TBC1D8: variants seen among roughly 807,000 people sequenced by gnomAD.
TBC1D8 encodes TBC1 domain family member 8.
TBC1D8 carries 65 observed loss-of-function variants against 118.8 expected under a neutral mutation model. The ratio of observed to expected loss-of-function variants is 0.55; its 90% CI spans 0.45 to 0.67. The LOEUF (loss-of-function observed/expected upper bound fraction) is 0.67, where lower values mean the gene tolerates loss of function less well. TBC1D8 is among the 30% of genes least tolerant of loss of function. TBC1D8 has a pLI of 0.00. For missense variants in TBC1D8, 1,376 were observed against 1,471.2 expected (o/e 0.94, Z 1.06); for synonymous variants, 566 against 595.8 (o/e 0.95, Z 0.73).
At chr2:101,024,742 C>A (rs529482856) in intron 15 of TBC1D8, among the ~76,000 whole-genome samples, 4 of 152,076 alleles carry the variant, frequency 2.6e-5, no homozygotes, top group Non-Finnish European at 5.9e-5. Context: ...AAAGCTTTAG[C>A]AGTATTGACT....
At chr2:101,009,821 C>CATTTTTTTT (rs144990163) in intron 19 of TBC1D8, among the ~76,000 whole-genome samples, 2 of 134,192 alleles carry the variant, frequency 1.5e-5, no homozygotes, top group Non-Finnish European at 1.6e-5. Flanking sequence ...AAAAAAGGAG[C>CATTTTTTTT]TTTTTCTTTT....
chr2:101,103,355 CA>C (rs200886858), intron 1 of TBC1D8, among the ~76,000 whole-genome samples: 19,094 of 101,094 alleles, frequency 0.19, 1,386 homozygotes, highest in East Asian at 0.28. Flanking sequence ...AAGCAGGAAA[CA>C]AAAAAAAAAA....
chr2:101,142,238 T>C (rs933864747), intron 1 of TBC1D8, among the ~76,000 whole-genome samples: 2 of 152,126 alleles, frequency 1.3e-5, no homozygotes, highest in Admixed American at 1.3e-4. Flanking sequence ...AGGTTGAAAA[T>C]ACACATAGCT....
In TBC1D8 at chr2:101,007,738, T is replaced by G; in HGVS notation, c.*83A>C. ...CCCATTGGTAAGGTAGACTGAAATC[T>G]CGGTTTAGGGCTGACCCCAAGAAAC... On this transcript the variant is annotated 3_prime_UTR_variant, in exon 20 of 20. Coordinates refer to ENST00000409318, the MANE Select transcript of TBC1D8 (RefSeq NM_001330348.2). 7.1e-7 allele frequency: 1 copy of G among 1,417,698 alleles called. No individual in the cohort carries two copies. The highest frequency in any genetic ancestry group is 9.6e-7 in the Non-Finnish European group (1 of 1,038,780). The allele number at this position is 1,417,698 out of a possible 1,614,324, so 87.8% of individuals were successfully genotyped here.
chr2:101,069,003 G>GA (rs146651880), intron 2 of TBC1D8, among the ~76,000 whole-genome samples: 988 of 92,980 alleles, frequency 0.011, 5 homozygotes, highest in African/African-American at 0.023. Flanking sequence ...TCCGTTTCAA[G>GA]AAAAAAAAAA....
At chr2:101,032,443 T>A in intron 10 of TBC1D8, 58 bp from the exon 11 acceptor site, 2 of 1,485,434 alleles carry the variant, frequency 1.3e-6, no homozygotes, top group South Asian at 2.3e-5. Flanking sequence ...CACAGAGATG[T>A]TACAAGCATC....
At chr2:101,050,820 T>A (rs561198478) in intron 4 of TBC1D8, among the ~76,000 whole-genome samples, 179 bp from the exon 5 acceptor site, 10 of 152,208 alleles carry the variant, frequency 6.6e-5, no homozygotes, top group Admixed American at 5.9e-4. Flanking sequence ...GGTAAACTCA[T>A]GTCATGCGGG....
At chr2:101,084,393 C>G (rs540530850) in intron 2 of TBC1D8, among the ~76,000 whole-genome samples, 23 of 152,232 alleles carry the variant, frequency 1.5e-4, no homozygotes, top group African/African-American at 5.1e-4. Context: ...CACTAAAAAT[C>G]AAAAAATTTG....
intron 4 of TBC1D8, among the ~76,000 whole-genome samples, chr2:101,051,495 A>C (rs1682070685): frequency 6.6e-6 from 1 of 152,230 alleles, no homozygotes; most frequent in African/African-American, 2.4e-5. Flanking sequence ...ACAGCGAAAG[A>C]AACTATCAAC....
intron 7 of TBC1D8, 105 bp from the exon 8 acceptor site, chr2:101,037,813 C>T (rs1681118650): frequency 7.1e-7 from 1 of 1,417,330 alleles, no homozygotes; most frequent in Admixed American, 1.9e-5. Context: ...ACGGGCATAG[C>T]AGACTTCAAT....
At position 101,090,345 on chromosome 2, in the gene TBC1D8, C is replaced by T. The variant is rs1197607776; in HGVS notation, c.147G>A (p.Leu49=). 6.2e-7 allele frequency: 1 copy of T among 1,614,016 alleles called. No individual in the cohort carries two copies. Residue 49 remains leucine (L), a synonymous_variant, in exon 2 of 20, where the codon CTG becomes CTA. Transcript: ENST00000409318. ...GTGCATTGGAATCCAACACTGCATC[C>T]AGAGCGCCGACCAGGCGACCTTCAA... is the stretch of plus-strand genomic sequence containing the variant. ...GRLTGRLVGA[L]DAVLDSNARV...
intron 19 of TBC1D8, among the ~76,000 whole-genome samples, 152 bp from the exon 20 acceptor site, chr2:101,008,425 C>G (rs184637641): frequency 2.0e-5 from 3 of 152,248 alleles, no homozygotes; most frequent in Admixed American, 1.3e-4. Context: ...CCACTCTAAA[C>G]TATTAACAGT....
At chr2:101,125,661 A>G (rs1014382575) in intron 1 of TBC1D8, among the ~76,000 whole-genome samples, 6 of 152,212 alleles carry the variant, frequency 3.9e-5, no homozygotes, top group Admixed American at 2.6e-4. Flanking sequence ...ACACTTAACA[A>G]TAGTGTGAAA....
chr2:101,125,341 T>C lies in TBC1D8; in HGVS notation c.127+25786A>G, dbSNP rs1273382098. Among the ~76,000 whole-genome samples, 3 of 152,174 alleles carry C rather than the reference T, an allele frequency of 2.0e-5. No individual in the cohort carries two copies. In the East Asian group the frequency reaches 5.8e-4, roughly 29 times the overall value. ...ATTTTCCAGGTCTGGTGCAGGCAGA[T>C]ATGAATAAAATACTTACAGATTTAT... On this transcript the variant is annotated intron_variant, in intron 1 of 19. Coordinates refer to ENST00000409318, the MANE Select transcript of TBC1D8 (RefSeq NM_001330348.2).
At chr2:101,089,344 G>C (rs1475622401) in intron 2 of TBC1D8, among the ~76,000 whole-genome samples, 1 of 152,074 alleles carries the variant, frequency 6.6e-6, no homozygotes, top group Non-Finnish European at 1.5e-5. Flanking sequence ...TGTGGATAAA[G>C]GGTTGCAGGT....
At position 101,029,764 on chromosome 2, in the gene TBC1D8, T is replaced by A. The variant is rs1680565068; in HGVS notation, c.1949A>T (p.Asp650Val). 1 of 1,613,120 alleles carries A rather than the reference T, an allele frequency of 6.2e-7. No individual in the cohort carries two copies. The highest frequency in any genetic ancestry group is 2.2e-5 in the East Asian group (1 of 44,864). Residue 650 changes from aspartate to valine, a missense_variant, in exon 12 of 20, where the codon GAC becomes GTC. Physicochemically the swap from Asp to Val is radical, Grantham distance 152. Transcript: ENST00000409318. ...FNHRVIGAQVDQSVFEELIKG... is the reference protein window; with the variant it reads ...FNHRVIGAQVVQSVFEELIKG... The stretch of plus-strand genomic sequence containing the variant: ...GATGAGCTCCTCGAAGACAGACTGG[T>A]CAACTTGTGCCCCTGGAAAAGAAAG...
intron 15 of TBC1D8, among the ~76,000 whole-genome samples, chr2:101,027,000 TAAAAAG>T (rs1680375523): frequency 2.0e-5 from 3 of 152,226 alleles, no homozygotes; most frequent in African/African-American, 7.2e-5. Flanking sequence ...CACAAGTAAT[TAAAAAG>T]TATTATCAGG....
intron 2 of TBC1D8, among the ~76,000 whole-genome samples, chr2:101,064,726 G>A (rs1402895238): frequency 1.3e-5 from 2 of 152,148 alleles, no homozygotes; most frequent in East Asian, 3.9e-4. Flanking sequence ...CAACACTGAT[G>A]ACTTAGGAGT....
chr2:101,038,383 T>G, intron 7 of TBC1D8, 78 bp downstream of exon 7: 1 of 1,462,388 alleles, frequency 6.8e-7, no homozygotes, highest in Non-Finnish European at 9.4e-7. Context: ...CACATGGCTC[T>G]CCCCATGTGT....
Sources: allele counts gnomAD v4.1 joint callset (sites outside exome capture counted in the v4.1 genomes callset), GRCh38; gene constraint gnomAD v4.1.1; transcripts MANE v1.5; gene names NCBI Gene and HGNC (gene_info 2026-07-23, HGNC 2026-07-21).